MAML2: variants seen among roughly 807,000 people sequenced by gnomAD.
MAML2 encodes mastermind like transcriptional coactivator 2, also known as mastermind-like protein 2.
MAML2 carries 22 observed loss-of-function variants against 96.1 expected under a neutral mutation model. That is an observed-to-expected ratio of 0.23 (90% confidence interval 0.16 to 0.33). The LOEUF (loss-of-function observed/expected upper bound fraction) is 0.33. MAML2 is among the 10% of genes least tolerant of loss of function. The pLI is 1.00. For missense variants in MAML2, 1,367 were observed against 1,392.4 expected (o/e 0.98, Z 0.29); for synonymous variants, 561 against 521.3 (o/e 1.08, Z -1.04).
At chr11:96,335,568 C>T (rs1762902996) in intron 1 of MAML2, among the ~76,000 whole-genome samples, 1 of 152,126 alleles carries the variant, frequency 6.6e-6, no homozygotes, top group Non-Finnish European at 1.5e-5. Context: ...AATAGCAAGG[C>T]ATTAAGCAGC....
chr11:96,229,732 A>T (rs1490160106), intron 1 of MAML2, among the ~76,000 whole-genome samples: 2 of 152,086 alleles, frequency 1.3e-5, no homozygotes, highest in Non-Finnish European at 2.9e-5. Flanking sequence ...AGAACTGGCA[A>T]TACCATAAAT....
In MAML2 at chr11:95,978,763, G is replaced by T. The variant is rs1307404205; in HGVS notation, c.*185C>A. On this transcript the variant is annotated 3_prime_UTR_variant, in exon 5 of 5. Transcript: ENST00000524717. ...AGTGATCCCAATATTTTACTTTCAG[G>T]TGTAAGATTTAAAACAAGAATTTGG... The T allele has an allele frequency of 3.4e-6, 2 of 589,494 alleles. No individual in the cohort carries two copies. Among genetic ancestry groups the T allele is most frequent in the African/African-American group, 1.9e-5 (1 of 53,500 alleles). 36.5% of individuals were successfully genotyped at this position (589,494 alleles called of 1,614,324 possible). A position where few individuals can be genotyped will look rare whatever the true frequency, so the allele number is the denominator to read the frequency against.
chr11:96,265,125 T>A (rs1236372254), intron 1 of MAML2, among the ~76,000 whole-genome samples: 2 of 152,174 alleles, frequency 1.3e-5, no homozygotes, highest in Non-Finnish European at 2.9e-5. Flanking sequence ...AGGAATGTGG[T>A]AGAGACAGCT....
intron 1 of MAML2, among the ~76,000 whole-genome samples, chr11:96,204,295 C>G (rs1861866821): frequency 6.6e-6 from 1 of 152,284 alleles, no homozygotes; most frequent in African/African-American, 2.4e-5. Flanking sequence ...ACGCGCCAAC[C>G]CCTGTACTAT....
chr11:96,104,962 C>A (rs1047040815), intron 1 of MAML2, among the ~76,000 whole-genome samples: 6 of 152,152 alleles, frequency 3.9e-5, no homozygotes, highest in African/African-American at 1.2e-4. Flanking sequence ...AAATCTCCCC[C>A]TCTCCCAATT....
At chr11:96,058,968 G>A (rs561100260) in intron 2 of MAML2, among the ~76,000 whole-genome samples, 4 of 152,198 alleles carry the variant, frequency 2.6e-5, no homozygotes, top group Non-Finnish European at 5.9e-5. Flanking sequence ...TATAATCCCA[G>A]CTACTTGGGA....
chr11:95,987,631 TCA>T (rs1179104855), intron 3 of MAML2, among the ~76,000 whole-genome samples: 3 of 152,232 alleles, frequency 2.0e-5, no homozygotes, highest in African/African-American at 7.2e-5. Context: ...CATGTGTTTC[TCA>T]GTTTCCCATC....
At chr11:96,334,228 T>C (rs142858627) in intron 1 of MAML2, among the ~76,000 whole-genome samples, 1 of 152,210 alleles carries the variant, frequency 6.6e-6, no homozygotes. Context: ...AAATGTCTGA[T>C]GCATTACTGG....
At chr11:96,073,408 C>T (rs1859380065) in intron 2 of MAML2, among the ~76,000 whole-genome samples, 1 of 151,254 alleles carries the variant, frequency 6.6e-6, no homozygotes, top group Non-Finnish European at 1.5e-5. Flanking sequence ...GCAAGCTCCA[C>T]CTCTCGGATT....
chr11:96,091,543 C>CACTTGCTTAATGCT (rs1859705453), intron 2 of MAML2, among the ~76,000 whole-genome samples: 1 of 152,126 alleles, frequency 6.6e-6, no homozygotes, highest in Non-Finnish European at 1.5e-5. Flanking sequence ...AGGTACTCAG[C>CACTTGCTTAATGCT]AAGTGCACAT....
At chr11:96,306,898 A>G (rs1283563790) in intron 1 of MAML2, among the ~76,000 whole-genome samples, 3 of 152,218 alleles carry the variant, frequency 2.0e-5, no homozygotes, top group Non-Finnish European at 4.4e-5. Context: ...TCCAAAGTTA[A>G]AAGAGCAAAC....
chr11:96,121,513 G>C (rs1860339455), intron 1 of MAML2, among the ~76,000 whole-genome samples: 1 of 151,952 alleles, frequency 6.6e-6, no homozygotes, highest in Admixed American at 6.6e-5. Context: ...CAATAAACAT[G>C]CTTCAGAGAA....
At position 95,993,401 on chromosome 11, in the gene MAML2, C is replaced by T. The variant is rs112838134; in HGVS notation, c.2140-1678G>A. ...TGGCCAACATGGTTAAACCCCATCT[C>T]TACTAAAATATGAAAATTAGTTGGG... On this transcript the variant is annotated intron_variant, in intron 2 of 4. Transcript: ENST00000524717. Among the ~76,000 whole-genome samples the T allele has an allele frequency of 2.5e-3, 375 of 152,178 alleles. 6 individuals are homozygous for T. The Middle Eastern group carries it at 0.037, about 15-fold the overall frequency.
rs12420441 is a variant in MAML2 at position 96,211,291 on chromosome 11, T to C, written c.514-117774A>G. ...GGTGTTAGGTGAATTATTCAGTAAA[T>C]GGTTATCAAAAATCAAATATTTAAC... On this transcript the variant is annotated intron_variant, in intron 1 of 4. Transcript: ENST00000524717. 2.7e-3 allele frequency among the ~76,000 whole-genome samples: 407 copies of C among 152,282 alleles called. 8 individuals are homozygous for C. The highest frequency in any genetic ancestry group is 0.026 in the Admixed American group (401 of 15,298).
intron 2 of MAML2, among the ~76,000 whole-genome samples, chr11:96,074,284 G>A (rs983594668): frequency 1.3e-5 from 2 of 152,186 alleles, no homozygotes; most frequent in African/African-American, 4.8e-5. Flanking sequence ...CTTTCGATAA[G>A]CTCAGATTCT....
chr11:96,090,586 C>A (rs1859687138), intron 2 of MAML2, among the ~76,000 whole-genome samples: 1 of 152,096 alleles, frequency 6.6e-6, no homozygotes, highest in Non-Finnish European at 1.5e-5. Flanking sequence ...TAAATGCTCC[C>A]AAAATTCCCT....
At chr11:96,059,337 G>T (rs191524038) in intron 2 of MAML2, among the ~76,000 whole-genome samples, 1 of 152,278 alleles carries the variant, frequency 6.6e-6, no homozygotes, top group African/African-American at 2.4e-5. Flanking sequence ...CCATAGGTGA[G>T]TAGATAAAAA....
At chr11:96,032,463 G>A (rs183945767) in intron 2 of MAML2, among the ~76,000 whole-genome samples, 23 of 151,304 alleles carry the variant, frequency 1.5e-4, no homozygotes, top group Non-Finnish European at 2.7e-4. Flanking sequence ...GGCAGGTGCC[G>A]GCAATCCCAG....
intron 1 of MAML2, among the ~76,000 whole-genome samples, chr11:96,123,939 A>G (rs986326341): frequency 6.6e-6 from 1 of 151,906 alleles, no homozygotes; most frequent in Non-Finnish European, 1.5e-5. Context: ...GCATGGTGGC[A>G]CGCACCTGTA....
Sources: allele counts gnomAD v4.1 joint callset (sites outside exome capture counted in the v4.1 genomes callset), GRCh38; gene constraint gnomAD v4.1.1; transcripts MANE v1.5; gene names NCBI Gene and HGNC (gene_info 2026-07-23, HGNC 2026-07-21).